Variants in ANK2 observed in about 807,000 individuals in gnomAD.
ANK2 encodes the protein ankyrin 2.
A neutral mutation model predicts 360.5 loss-of-function variants in ANK2; 83 were observed. The ratio of observed to expected loss-of-function variants is 0.23; its 90% CI spans 0.19 to 0.28. ANK2 has a LOEUF of 0.28. Among genes scored for constraint, ANK2 ranks in the 10% least tolerant of loss-of-function variants. The pLI is 1.00. For missense variants in ANK2, 4,201 were observed against 4,795.7 expected (o/e 0.88, Z 3.66); for synonymous variants, 1,740 against 1,759.5 (o/e 0.99, Z 0.28).
chr4:112,882,604 G>A lies in ANK2; in HGVS notation c.-39-21851G>A, dbSNP rs764798453. Among the ~76,000 whole-genome samples, 9 of 151,458 alleles carry A rather than the reference G, an allele frequency of 5.9e-5. No individual in the cohort carries two copies. The South Asian group carries it at 1.1e-3, about 18-fold the overall frequency. ...TTCAGGATCAGAATCAAAGGATGCC[G>A]TATTTAATTGAAACTTTGGGAAAAT... On this transcript the variant is annotated intron_variant, in intron 1 of 30. Transcript: ENST00000503271.
chr4:112,979,932 C>G (rs931516544), intron 2 of ANK2: 1 of 152,186 alleles, frequency 6.6e-6, no homozygotes, highest in Admixed American at 6.5e-5. Flanking sequence ...AACTGGTAGC[C>G]TGGCCCCAGG....
At position 113,369,661 on chromosome 4, in the gene ANK2, C is replaced by A; in HGVS notation, c.11466C>A (p.Gly3822=). The A allele has an allele frequency of 6.2e-7, 1 of 1,614,134 alleles. No homozygotes were observed. The highest frequency in any genetic ancestry group is 8.5e-7 in the Non-Finnish European group (1 of 1,180,016). The change falls in exon 43 of 46, where the codon GGC becomes GGA. Residue 3822 remains glycine, a synonymous_variant. Coordinates refer to ENST00000357077, the MANE Select transcript of ANK2 (RefSeq NM_001148.6). ...CCCCAACATCCAGCGAGCGGGGAGG[C>A]TCTCCCATCATACAAGAACCCGAAG... ...LQTPTSSERG[G]SPIIQEPEEP...
chr4:113,347,806 TAAA>T (rs5861129), intron 35 of ANK2: 49 of 159,708 alleles, frequency 3.1e-4, no homozygotes, highest in Admixed American at 5.5e-4. Context: ...TTGTCTCTAT[TAAA>T]AAAAAAAAAA....
intron 2 of ANK2, among the ~76,000 whole-genome samples, chr4:112,987,874 T>A (rs990249167): frequency 6.6e-6 from 1 of 152,110 alleles, no homozygotes; most frequent in African/African-American, 2.4e-5. Context: ...TTTGTAACAA[T>A]TTTTAGGAAT....
intron 29 of ANK2, among the ~76,000 whole-genome samples, chr4:113,335,460 G>A (rs576199412): frequency 6.2e-4 from 95 of 152,252 alleles, no homozygotes; most frequent in Non-Finnish European, 1.1e-3. Context: ...AAGAAAAGGA[G>A]CCCAGAAACA....
the ANK2 span, among the ~76,000 whole-genome samples, chr4:112,764,497 G>A: frequency 3.3e-5 from 5 of 151,486 alleles, no homozygotes; most frequent in East Asian, 9.7e-4. Context: ...CACCAAGCCT[G>A]GCTAATTTTT....
chr4:113,132,491 G>T (rs2096110262), intron 1 of ANK2, among the ~76,000 whole-genome samples: 1 of 152,082 alleles, frequency 6.6e-6, no homozygotes, highest in Non-Finnish European at 1.5e-5. Context: ...AGATTAAAAA[G>T]TACTGAAATT....
At chr4:112,915,388 G>A (rs2151081999) in intron 2 of ANK2, among the ~76,000 whole-genome samples, 1 of 152,250 alleles carries the variant, frequency 6.6e-6, no homozygotes, top group East Asian at 1.9e-4. Flanking sequence ...TAAAGGATAA[G>A]TTCCAAAGAA....
At chr4:112,829,491 C>CA (rs60272903) in intron 1 of ANK2, among the ~76,000 whole-genome samples, 1,054 of 60,684 alleles carry the variant, frequency 0.017, 75 homozygotes, top group South Asian at 0.062. Flanking sequence ...CCCATCTCTA[C>CA]AAAAAAAAAA....
At chr4:112,999,548 C>T (rs1311740996) in intron 2 of ANK2, among the ~76,000 whole-genome samples, 1 of 151,848 alleles carries the variant, frequency 6.6e-6, no homozygotes, top group Non-Finnish European at 1.5e-5. Flanking sequence ...ATATTTTGTG[C>T]TTTTATAAGC....
At chr4:113,339,180 A>C (rs1378342024) in intron 31 of ANK2, 46 bp from the exon 32 acceptor site, 4 of 1,461,310 alleles carry the variant, frequency 2.7e-6, no homozygotes, top group South Asian at 2.3e-5. Context: ...TAGAATCTAG[A>C]GTCTGGAGTT....
intron 2 of ANK2, among the ~76,000 whole-genome samples, chr4:113,014,844 A>T (rs2055997901): frequency 7.5e-6 from 1 of 133,374 alleles, no homozygotes; most frequent in South Asian, 2.7e-4. Flanking sequence ...TGTGGATCAT[A>T]GAGCTTTTTT....
chr4:112,850,579 C>T (rs1487633001), intron 1 of ANK2, among the ~76,000 whole-genome samples: 1 of 119,548 alleles, frequency 8.4e-6, no homozygotes, highest in Non-Finnish European at 1.6e-5. Context: ...TGCAGTGGCA[C>T]GATCTTGGCT....
intron 13 of ANK2, among the ~76,000 whole-genome samples, chr4:113,259,576 A>G (rs2051431413): frequency 1.3e-5 from 2 of 152,104 alleles, no homozygotes; most frequent in South Asian, 4.1e-4. Flanking sequence ...CATGTTATTC[A>G]GTAATTGGAG....
intron 2 of ANK2, among the ~76,000 whole-genome samples, chr4:112,954,960 A>T (rs2095260988): frequency 6.6e-6 from 1 of 152,206 alleles, no homozygotes; most frequent in South Asian, 2.1e-4. Context: ...CTGCATGACC[A>T]AATATGTTTG....
chr4:112,830,256 C>T (rs1345120155), intron 1 of ANK2, among the ~76,000 whole-genome samples: 1 of 152,152 alleles, frequency 6.6e-6, no homozygotes, highest in African/African-American at 2.4e-5. Context: ...ACCTAAAAGC[C>T]CATCAACAGT....
Position 113,282,688 on chromosome 4 carries a change from C to T in ANK2, c.1895C>T (p.Pro632Leu), listed in dbSNP as rs929567243. The T allele has an allele frequency of 5.6e-6, 9 of 1,612,466 alleles. No homozygotes were observed. Among genetic ancestry groups the T allele is most frequent in the South Asian group, 3.3e-5 (3 of 90,816 alleles). The change falls in exon 18 of 46, where the codon CCG becomes CTG. Residue 632 changes from proline to leucine, a missense_variant. By Grantham distance (98) the Pro-to-Leu change is moderately conservative. Transcript: ENST00000357077. ...TGTTCTTTTTAGAATGGCTATACTCCGTTACATATTGCTGCCAAGAAGAAT... is the reference window on the plus strand; with the variant it reads ...TGTTCTTTTTAGAATGGCTATACTCTGTTACATATTGCTGCCAAGAAGAAT... Reference protein sequence around the residue: ...PHATAKNGYTPLHIAAKKNQM... With the variant: ...PHATAKNGYTLLHIAAKKNQM...
intron 1 of ANK2, among the ~76,000 whole-genome samples, chr4:113,162,528 C>T (rs182351074): frequency 6.6e-6 from 1 of 152,236 alleles, no homozygotes; most frequent in African/African-American, 2.4e-5. Context: ...TTGCTATTCC[C>T]TGGGCTGGCT....
At position 113,379,859 on chromosome 4, in the gene ANK2, G is replaced by A. The variant is rs114166090; in HGVS notation, c.11860-1598G>A. Reference sequence around the variant, plus strand: ...AAAAATCAGGATGATCGTAACAAATGCATAGAGGTATTGGATGATGGCAGA... The same window carrying A: ...AAAAATCAGGATGATCGTAACAAATACATAGAGGTATTGGATGATGGCAGA... On this transcript the variant is annotated intron_variant, in intron 45 of 45. Transcript: ENST00000357077. 6.1e-3 allele frequency among the ~76,000 whole-genome samples: 936 copies of A among 152,318 alleles called. 9 individuals carry two copies. Among genetic ancestry groups the A allele is most frequent in the Middle Eastern group, 0.024 (7 of 294 alleles).
Sources: gnomAD v4.1 joint callset for allele counts (sites outside exome capture counted in the v4.1 genomes callset) on GRCh38, gnomAD v4.1.1 for gene constraint, MANE v1.5 for transcripts, NCBI Gene and HGNC (gene_info 2026-07-23, HGNC 2026-07-21) for gene names.